The following PDE3B variants were observed in gnomAD, a reference collection of about 807,000 sequenced individuals.
The protein encoded by PDE3B is cGMP-inhibited 3',5'-cyclic phosphodiesterase 3B.
A neutral mutation model predicts 116.8 loss-of-function variants in PDE3B; 66 were observed. That is an observed-to-expected ratio of 0.56 (90% CI 0.46 to 0.69). The LOEUF (loss-of-function observed/expected upper bound fraction) is 0.69. Ranked by LOEUF, PDE3B falls within the 30% of genes least tolerant of loss-of-function variation. The pLI is 0.00. For synonymous variants in PDE3B, 595 were observed against 533.6 expected, an observed-to-expected ratio of 1.12 and a Z score of -1.59; for missense variants, 1,384 against 1,368.1, an observed-to-expected ratio of 1.01 and a Z score of -0.18.
chr11:14,837,418 T>C (rs1319596121), intron 11 of PDE3B, among the ~76,000 whole-genome samples: 1 of 152,256 alleles, frequency 6.6e-6, no homozygotes, highest in Non-Finnish European at 1.5e-5. Flanking sequence ...AATGCTTTGC[T>C]TGGAAATTTC....
chr11:14,840,645 G>T (rs1023806425), intron 11 of PDE3B, among the ~76,000 whole-genome samples: 1 of 152,196 alleles, frequency 6.6e-6, no homozygotes, highest in African/African-American at 2.4e-5. Flanking sequence ...CAATATGCCA[G>T]TACTTCCTCA....
intron 12 of PDE3B, among the ~76,000 whole-genome samples, 178 bp downstream of exon 12, chr11:14,844,204 G>A (rs1847537934): frequency 2.0e-5 from 3 of 152,140 alleles, no homozygotes; most frequent in Admixed American, 6.5e-5. Flanking sequence ...GGAAATTAGG[G>A]GAAGAATCAA....
chr11:14,760,727 T>A (rs554175252), intron 1 of PDE3B, among the ~76,000 whole-genome samples: 141 of 152,330 alleles, frequency 9.3e-4, no homozygotes, highest in African/African-American at 3.2e-3. Flanking sequence ...GTTCTCAACT[T>A]ACCCCACAAA....
chr11:14,840,741 C>T (rs60186953), intron 11 of PDE3B, among the ~76,000 whole-genome samples: 19,956 of 152,076 alleles, frequency 0.13, 1,483 homozygotes, highest in African/African-American at 0.2. Context: ...GCAGGTCAAG[C>T]GGTGAATCAG....
chr11:14,677,522 A>AT (rs934898038), intron 1 of PDE3B, among the ~76,000 whole-genome samples: 4 of 151,734 alleles, frequency 2.6e-5, no homozygotes, highest in South Asian at 2.1e-4. Flanking sequence ...TTTACCTTTT[A>AT]TTTTTTTTAA....
chr11:14,765,824 T>A (rs1857480420), intron 1 of PDE3B, among the ~76,000 whole-genome samples: 1 of 149,532 alleles, frequency 6.7e-6, no homozygotes, highest in East Asian at 1.9e-4. Flanking sequence ...TTTATTTATT[T>A]TATATATATA....
intron 7 of PDE3B, among the ~76,000 whole-genome samples, chr11:14,825,648 G>A (rs189161282): frequency 1.8e-3 from 270 of 152,274 alleles, no homozygotes; most frequent in Non-Finnish European, 3.0e-3. Flanking sequence ...CAAGTTCTTA[G>A]AGATCTACAA....
At chr11:14,661,306 T>A (rs1410407058) in intron 1 of PDE3B, among the ~76,000 whole-genome samples, 1 of 152,168 alleles carries the variant, frequency 6.6e-6, no homozygotes, top group Non-Finnish European at 1.5e-5. Flanking sequence ...TAAGAAAATG[T>A]GGCGGTTAAG....
At chr11:14,692,485 G>T (rs1205781347) in intron 1 of PDE3B, among the ~76,000 whole-genome samples, 1 of 152,068 alleles carries the variant, frequency 6.6e-6, no homozygotes, top group Non-Finnish European at 1.5e-5. Flanking sequence ...GAGCAAGTCT[G>T]TTGGCACCAT....
At chr11:14,884,040 G>T in the PDE3B span, among the ~76,000 whole-genome samples, 1 of 152,066 alleles carries the variant, frequency 6.6e-6, no homozygotes, top group Admixed American at 6.5e-5. Flanking sequence ...AACAGGTGCT[G>T]GAGAGGATGT....
chr11:14,703,367 T>A (rs1049393768), intron 1 of PDE3B, among the ~76,000 whole-genome samples: 2 of 151,692 alleles, frequency 1.3e-5, no homozygotes, highest in Admixed American at 6.6e-5. Flanking sequence ...AAAATATGCT[T>A]GCAATTCATA....
chr11:14,841,353 A>C (rs1216245658), intron 11 of PDE3B, among the ~76,000 whole-genome samples: 1 of 147,398 alleles, frequency 6.8e-6, no homozygotes, highest in Non-Finnish European at 1.5e-5. Context: ...CTCTCTATAT[A>C]TATATATAAA....
chr11:14,803,622 A>T (rs1858835620), intron 4 of PDE3B, among the ~76,000 whole-genome samples: 1 of 152,230 alleles, frequency 6.6e-6, no homozygotes, highest in Non-Finnish European at 1.5e-5. Flanking sequence ...CTATGGACCT[A>T]ATCTGGTCTA....
Position 14,818,162 on chromosome 11 carries a change from CCTTT to C in PDE3B, c.1523-16_1523-13del. The C allele has an allele frequency of 1.4e-6, 2 of 1,476,542 alleles. No homozygotes were observed. Among genetic ancestry groups the C allele is most frequent in the Non-Finnish European group, 1.9e-6 (2 of 1,057,416 alleles). The allele number at this position is 1,476,542 out of a possible 1,614,324, so 91.5% of individuals were successfully genotyped here. On this transcript the variant is annotated splice_polypyrimidine_tract_variant and intron_variant, in intron 5 of 15. Transcript: ENST00000282096. ...TAAATACATTCTTATTTATCTATCT[CCTTT>C]CTTTTAATTTTTAAAGGTGTTTTGT...
the PDE3B span, among the ~76,000 whole-genome samples, chr11:14,895,547 T>C: frequency 1.3e-5 from 2 of 152,002 alleles, no homozygotes; most frequent in African/African-American, 2.4e-5. Context: ...ATGAAGACTT[T>C]GATTACAAAA....
At chr11:14,748,813 C>T (rs1856980758) in intron 1 of PDE3B, among the ~76,000 whole-genome samples, 1 of 151,844 alleles carries the variant, frequency 6.6e-6, no homozygotes. Flanking sequence ...TGTTGAAATA[C>T]CCATACTAAA....
intron 1 of PDE3B, among the ~76,000 whole-genome samples, chr11:14,753,084 C>T (rs1165513431): frequency 6.6e-6 from 1 of 151,966 alleles, no homozygotes; most frequent in African/African-American, 2.4e-5. Context: ...CTGTTTTTCC[C>T]CTTTGTTTCC....
intron 1 of PDE3B, 76 bp downstream of exon 1, chr11:14,645,129 C>T: frequency 2.4e-6 from 2 of 823,424 alleles, no homozygotes; most frequent in Admixed American, 4.0e-5. Context: ...GTTGAATTCG[C>T]TTATTTCAAA....
At chr11:14,665,580 C>T (rs990245526) in intron 1 of PDE3B, among the ~76,000 whole-genome samples, 1 of 152,190 alleles carries the variant, frequency 6.6e-6, no homozygotes, top group African/African-American at 2.4e-5. Flanking sequence ...TCTCAGGATA[C>T]AAAGTCAATG....
Sources: allele counts gnomAD v4.1 joint callset (sites outside exome capture counted in the v4.1 genomes callset), GRCh38; gene constraint gnomAD v4.1.1; transcripts MANE v1.5; gene names NCBI Gene and HGNC (gene_info 2026-07-23, HGNC 2026-07-21).